Variants in ALOX12 observed in about 807,000 individuals in gnomAD.
ALOX12 encodes the protein arachidonate 12-lipoxygenase, 12S type.
In ALOX12, 62 loss-of-function variants were observed where a neutral mutation model predicts 85.5. That is an observed-to-expected ratio of 0.73 (90% CI 0.59 to 0.90). ALOX12 has a LOEUF of 0.90. Ranked by LOEUF, ALOX12 falls within the 40% of genes least tolerant of loss-of-function variation. ALOX12 has a pLI of 0.00. For missense variants in ALOX12, 751 were observed against 856.5 expected, an observed-to-expected ratio of 0.88 and a Z score of 1.54; for synonymous variants, 299 against 332.7, an observed-to-expected ratio of 0.90 and a Z score of 1.10.
intron 6 of ALOX12, 94 bp downstream of exon 6, chr17:6,999,560 A>G: frequency 7.3e-7 from 1 of 1,367,862 alleles, no homozygotes; most frequent in Non-Finnish European, 1.0e-6. Context: ...GGAAGGCTGC[A>G]GTACTGCATT....
chr17:6,998,937 TCAATA>T lies in ALOX12; in HGVS notation c.543-14_543-10del, dbSNP rs748529686. On this transcript the variant is annotated splice_polypyrimidine_tract_variant and intron_variant, in intron 4 of 13. Transcript: ENST00000251535. Reference sequence around the variant, plus strand: ...GAGGGATCAGCTGATGAGTTAAGCCTCAATACCTGTCCTAGGGCTCTGGAGATGGC... The same window carrying T: ...GAGGGATCAGCTGATGAGTTAAGCCTCCTGTCCTAGGGCTCTGGAGATGGC... 41 of 1,614,114 alleles carry T rather than the reference TCAATA, an allele frequency of 2.5e-5. No homozygotes were observed. The highest frequency in any genetic ancestry group is 1.6e-4 in the Middle Eastern group (1 of 6,062).
At chr17:7,004,196 A>C (rs1292715902) in intron 8 of ALOX12, among the ~76,000 whole-genome samples, 1 of 144,584 alleles carries the variant, frequency 6.9e-6, no homozygotes, top group African/African-American at 2.5e-5. Context: ...TAAACATTTA[A>C]ATTTTTAATT....
chr17:6,998,749 A>T lies in ALOX12; in HGVS notation c.454A>T (p.Ile152Phe). The change falls in exon 4 of 14, where the codon ATC becomes TTC. Residue 152 changes from isoleucine to phenylalanine, a missense_variant. Physicochemically the swap from Ile to Phe is conservative, Grantham distance 21. Transcript: ENST00000251535. ...CTGGAAGGAAGGGTTACCCCTGACC[A>T]TCGCTGCAGACCGTAAGGATGATCT... The part of the protein sequence containing the change: ...ATWKEGLPLT[I>F]AADRKDDLPP... 6 of 1,613,828 alleles carry T rather than the reference A, an allele frequency of 3.7e-6. No homozygotes were observed. Among genetic ancestry groups the T allele is most frequent in the Non-Finnish European group, 4.2e-6 (5 of 1,179,942 alleles).
In ALOX12 at chr17:7,010,117, G is replaced by A. The variant is rs1661012100; in HGVS notation, c.1803G>A (p.Gln601=). Reference sequence around the variant, plus strand: ...TCTCATGGCATCTGAGTCGCCGCCAGCCAGACATGGTGAGAGGGGACTCTC... The same window carrying A: ...TCTCATGGCATCTGAGTCGCCGCCAACCAGACATGGTGAGAGGGGACTCTC... The part of the protein sequence containing the change: ...MAISWHLSRR[Q]PDMVPLGHHK... The change falls in exon 13 of 14, where the codon CAG becomes CAA. Residue 601 remains glutamine (Q), a synonymous_variant. Coordinates refer to ENST00000251535, the MANE Select transcript of ALOX12 (RefSeq NM_000697.3). The A allele has an allele frequency of 1.2e-6, 2 of 1,611,700 alleles. No homozygotes were observed. Among genetic ancestry groups the A allele is most frequent in the Non-Finnish European group, 8.5e-7 (1 of 1,178,518 alleles).
Position 6,996,191 on chromosome 17 carries a change from G to A in ALOX12, c.74G>A (p.Trp25Ter), listed in dbSNP as rs1379069074. ...GGGTCGTACAACCGCGTGCAGCTTTGGCTGGTCGGGACGCGCGGGGAGGCG... is the reference window on the plus strand; with the variant it reads ...GGGTCGTACAACCGCGTGCAGCTTTAGCTGGTCGGGACGCGCGGGGAGGCG... ...FSGSYNRVQL[W>*]LVGTRGEAEL... Residue 25 changes from tryptophan (W) to a stop codon, truncating the protein, a stop_gained, in exon 1 of 14, where the codon TGG (tryptophan) becomes TAG (stop). Coordinates refer to ENST00000251535, the MANE Select transcript of ALOX12 (RefSeq NM_000697.3). LOFTEE classifies it high-confidence loss of function. 1 of 1,253,160 alleles carries A rather than the reference G, an allele frequency of 8.0e-7. No homozygotes were observed. The highest frequency in any genetic ancestry group is 1.0e-6 in the Non-Finnish European group (1 of 991,924). The allele number at this position is 1,253,160 out of a possible 1,614,324, so 77.6% of individuals were successfully genotyped here. A position where few individuals can be genotyped will look rare whatever the true frequency, so the allele number is the denominator to read the frequency against.
chr17:7,005,760 T>A (rs1909011624), intron 9 of ALOX12, 98 bp from the exon 10 acceptor site: 1 of 1,379,732 alleles, frequency 7.2e-7, no homozygotes, highest in East Asian at 2.3e-5. Context: ...TACCCATGTC[T>A]TAATATCTGA....
chr17:7,007,272 C>T (rs11571363), intron 11 of ALOX12, among the ~76,000 whole-genome samples: 2,137 of 152,310 alleles, frequency 0.014, 24 homozygotes, highest in Non-Finnish European at 0.021. Flanking sequence ...CACATTTGAA[C>T]CTCTGAGGAA....
chr17:7,010,448 G>A lies in ALOX12; in HGVS notation c.*25G>A. The stretch of plus-strand genomic sequence containing the variant: ...AGCCCTAGAGTGACTCTACCTGCAA[G>A]ATTTCACATCAGCTTTAGGACTGAC... On this transcript the variant is annotated 3_prime_UTR_variant, in exon 14 of 14. Transcript: ENST00000251535. 6.2e-7 allele frequency: 1 copy of A among 1,601,914 alleles called. No homozygotes were observed. Among genetic ancestry groups the A allele is most frequent in the South Asian group, 1.1e-5 (1 of 89,660 alleles).
chr17:7,002,310 T>C (rs188168548), intron 8 of ALOX12: 2 of 344,194 alleles, frequency 5.8e-6, no homozygotes, highest in Middle Eastern at 1.0e-3. Context: ...AACAGTAAGG[T>C]GGATAGAGAT....
In ALOX12 at chr17:6,999,234, C is replaced by G. The variant is rs1045232814; in HGVS notation, c.647-72C>G. 2.2e-5 allele frequency: 35 copies of G among 1,597,070 alleles called. 1 individual carries two copies. In the Middle Eastern group the frequency reaches 6.7e-4, roughly 30 times the overall value. On this transcript the variant is annotated intron_variant, in intron 5 of 13. Transcript: ENST00000251535. ...TTCAGGGAGGGTTATATACCTGAAC[C>G]CCTGGGGTAGATTTTGGAGAAGGGA...
intron 8 of ALOX12, among the ~76,000 whole-genome samples, chr17:7,004,092 T>A (rs1243639874): frequency 7.0e-6 from 1 of 141,944 alleles, no homozygotes; most frequent in African/African-American, 2.5e-5. Context: ...ATTAAAATTT[T>A]AATTTAATAT....
chr17:7,003,981 C>T (rs1043856955), intron 8 of ALOX12, among the ~76,000 whole-genome samples: 5 of 151,484 alleles, frequency 3.3e-5, no homozygotes, highest in African/African-American at 1.2e-4. Flanking sequence ...GGAAGACAAA[C>T]AGTCTAAGAT....
chr17:7,001,330 A>C (rs928021684), intron 7 of ALOX12: 1 of 493,414 alleles, frequency 2.0e-6, no homozygotes, highest in East Asian at 3.6e-5. Flanking sequence ...ACATTCCACC[A>C]CCATCTGAGC....
At position 6,999,164 on chromosome 17, in the gene ALOX12, T is replaced by C. The variant is rs909168184; in HGVS notation, c.646+108T>C. On this transcript the variant is annotated intron_variant, in intron 5 of 13. Transcript: ENST00000251535. ...TTGCAAGAAGAGACCTTATCATATC[T>C]GGTCAACTCAGAGAGGCCTTGAGAA... The C allele has an allele frequency of 3.7e-5, 54 of 1,473,942 alleles. No individual in the cohort carries two copies. In the African/African-American group the frequency reaches 5.2e-4, roughly 14 times the overall value. The allele number at this position is 1,473,942 out of a possible 1,614,324, so 91.3% of individuals were successfully genotyped here. A position where few individuals can be genotyped will look rare whatever the true frequency, so the allele number is the denominator to read the frequency against.
chr17:7,005,894 C>A lies in ALOX12; in HGVS notation c.1285C>A (p.Leu429Ile), dbSNP rs745960734. The A allele has an allele frequency of 1.2e-6, 2 of 1,613,452 alleles. 1 individual carries two copies. Among genetic ancestry groups the A allele is most frequent in the South Asian group, 2.2e-5 (2 of 91,080 alleles). Reference protein sequence around the residue: ...STGGGGHVQLLRRAAAQLTYC... With the variant: ...STGGGGHVQLIRRAAAQLTYC... ...AGGTGGAGGGGGCCATGTACAGTTGCTCCGTCGGGCGGCAGCTCAGCTGAC... is the reference window on the plus strand; with the variant it reads ...AGGTGGAGGGGGCCATGTACAGTTGATCCGTCGGGCGGCAGCTCAGCTGAC... Residue 429 changes from leucine (L) to isoleucine (I), a missense_variant, in exon 10 of 14, where the codon CTC becomes ATC. Transcript: ENST00000251535.
rs11571362 is a variant in ALOX12, at chr17:7,002,566, T to C, written c.1161+755T>C. 1,437 of 467,508 alleles carry C rather than the reference T, an allele frequency of 3.1e-3. 10 individuals carry two copies. The highest frequency in any genetic ancestry group is 4.0e-3 in the Non-Finnish European group (899 of 226,850). The allele number at this position is 467,508 out of a possible 1,614,324, so 29.0% of individuals were successfully genotyped here. A position where few individuals can be genotyped will look rare whatever the true frequency, so the allele number is the denominator to read the frequency against. On this transcript the variant is annotated intron_variant, in intron 8 of 13. Coordinates refer to ENST00000251535, the MANE Select transcript of ALOX12 (RefSeq NM_000697.3). Reference sequence around the variant, plus strand: ...GCTTTGGGTGGCCAAAGCAGTATGATTGCTTAAGACCAGGAGTTCAAGACC... The same window carrying C: ...GCTTTGGGTGGCCAAAGCAGTATGACTGCTTAAGACCAGGAGTTCAAGACC...
chr17:7,000,231 T>G lies in ALOX12; in HGVS notation c.808-105T>G. The stretch of plus-strand genomic sequence containing the variant: ...TCTCCCAACAGGGCTCCGGTACTGA[T>G]GCAGGAGAATGGCAAGAAGCTAGAC... On this transcript the variant is annotated intron_variant, in intron 6 of 13. Transcript: ENST00000251535. This position sits in a 1 kb window ranked among gnomAD's most constrained non-coding sequence, Gnocchi z 4.6. 1 of 1,365,776 alleles carries G rather than the reference T, an allele frequency of 7.3e-7. No individual in the cohort carries two copies. 84.6% of individuals were successfully genotyped at this position (1,365,776 alleles called of 1,614,324 possible). A position where few individuals can be genotyped will look rare whatever the true frequency, so the allele number is the denominator to read the frequency against.
chr17:7,010,173 C>T lies in ALOX12; in HGVS notation c.1812+47C>T, dbSNP rs368296923. On this transcript the variant is annotated intron_variant, in intron 13 of 13. Coordinates refer to ENST00000251535, the MANE Select transcript of ALOX12 (RefSeq NM_000697.3). ...AGGGAAATGACAGTTGGAAAGGAAA[C>T]ATCAGAGTGAGGGGCTGGGCTCTAG... 449 of 1,598,652 alleles carry T rather than the reference C, an allele frequency of 2.8e-4. 1 individual carries two copies. Among genetic ancestry groups the T allele is most frequent in the South Asian group, 2.2e-3 (192 of 89,272 alleles).
chr17:7,005,356 C>CG lies in ALOX12; in HGVS notation c.1248+17dup, dbSNP rs1908984350. The stretch of plus-strand genomic sequence containing the variant: ...AATTTTTGATAAGGTGAGGAGGGTA[C>CG]GGGGCATGGGACTGCCTCATCCATC... On this transcript the variant is annotated intron_variant, in intron 9 of 13. Transcript: ENST00000251535. The CG allele has an allele frequency of 6.2e-7, 1 of 1,600,272 alleles. No individual in the cohort carries two copies. The highest frequency in any genetic ancestry group is 1.1e-5 in the South Asian group (1 of 90,812).
Sources: gnomAD v4.1 joint callset for allele counts (sites outside exome capture counted in the v4.1 genomes callset) on GRCh38, gnomAD v4.1.1 for gene constraint, Gnocchi (gnomAD v3.1) non-coding constraint, MANE v1.5 for transcripts, NCBI Gene and HGNC (gene_info 2026-07-23, HGNC 2026-07-21) for gene names.